The following INSIG1 variants were observed in gnomAD, a reference collection of about 807,000 sequenced individuals.
The protein encoded by INSIG1 is insulin induced gene 1.
A neutral mutation model predicts 26.5 loss-of-function variants in INSIG1; 14 were observed. That is an observed-to-expected ratio of 0.53 (90% CI 0.35 to 0.83). INSIG1 has a LOEUF of 0.83. Among genes scored for constraint, INSIG1 ranks in the 40% least tolerant of loss-of-function variants. The pLI, the probability that INSIG1 is intolerant of heterozygous loss-of-function variation, is 0.01. For missense variants in INSIG1, 272 were observed against 368.9 expected (o/e 0.74, Z 2.15); for synonymous variants, 147 against 153.3 (o/e 0.96, Z 0.30).
At position 155,298,622 on chromosome 7, in the gene INSIG1, C is replaced by G; in HGVS notation, c.337C>G (p.Leu113Val). Reference protein sequence around the residue: ...NLLQIQRNVTLFPEEVIATIF... With the variant: ...NLLQIQRNVTVFPEEVIATIF... ...GCTGCAGATCCAGAGGAATGTCACT[C>G]TCTTCCCCGAGGAGGTGATCGCCAC... The change falls in exon 2 of 6, where the codon CTC (leucine) becomes GTC (valine). Residue 113 changes from leucine to valine, a missense_variant. By Grantham distance (32) the Leu-to-Val change is conservative. Transcript: ENST00000340368. 1 of 1,613,612 alleles carries G rather than the reference C, an allele frequency of 6.2e-7. No individual in the cohort carries two copies. Among genetic ancestry groups the G allele is most frequent in the Non-Finnish European group, 8.5e-7 (1 of 1,179,968 alleles).
rs925626832 is a variant in INSIG1 at position 155,309,845 on chromosome 7, A to T, written c.*1575A>T. ...ATGACCCCCTTATATATTTTCTGAA[A>T]ATGAAAACAGTTACATGAAAAAAAT... is the stretch of plus-strand genomic sequence containing the variant. On this transcript the variant is annotated 3_prime_UTR_variant, in exon 6 of 6. Coordinates refer to ENST00000340368, the MANE Select transcript of INSIG1 (RefSeq NM_005542.6). The T allele has an allele frequency of 1.3e-5, 2 of 152,536 alleles. No homozygotes were observed. Among genetic ancestry groups the T allele is most frequent in the African/African-American group, 2.4e-5 (1 of 41,440 alleles). The allele number at this position is 152,536 out of a possible 1,614,324, so 9.4% of individuals were successfully genotyped here. A position where few individuals can be genotyped will look rare whatever the true frequency, so the allele number is the denominator to read the frequency against.
chr7:155,307,484 G>C (rs1797968638), intron 5 of INSIG1, among the ~76,000 whole-genome samples: 1 of 152,204 alleles, frequency 6.6e-6, no homozygotes, highest in Non-Finnish European at 1.5e-5. Context: ...GCCTCAGGAA[G>C]GTCATTTAAT....
intron 5 of INSIG1, among the ~76,000 whole-genome samples, chr7:155,305,078 A>G (rs1024336089): frequency 3.3e-5 from 5 of 150,734 alleles, no homozygotes; most frequent in Non-Finnish European, 7.4e-5. Context: ...CCCGGGAGGC[A>G]GAGCTTGCAA....
Position 155,298,641 on chromosome 7 carries a change from T to C in INSIG1, c.356T>C (p.Ile119Thr). ...RNVTLFPEEVIATIFSSAWWV... is the reference protein window; with the variant it reads ...RNVTLFPEEVTATIFSSAWWV... ...GTCACTCTCTTCCCCGAGGAGGTGATCGCCACCATCTTTTCCTCCGCCTGG... is the reference window on the plus strand; with the variant it reads ...GTCACTCTCTTCCCCGAGGAGGTGACCGCCACCATCTTTTCCTCCGCCTGG... The change falls in exon 2 of 6, where the codon ATC becomes ACC. Residue 119 changes from isoleucine (I) to threonine (T), a missense_variant. Physicochemically the swap from Ile to Thr is moderately conservative, Grantham distance 89 (BLOSUM62 -1). Coordinates refer to ENST00000340368, the MANE Select transcript of INSIG1 (RefSeq NM_005542.6). 6.2e-7 allele frequency: 1 copy of C among 1,613,300 alleles called. No homozygotes were observed. Among genetic ancestry groups the C allele is most frequent in the Non-Finnish European group, 8.5e-7 (1 of 1,179,972 alleles).
intron 1 of INSIG1, 133 bp from the exon 2 acceptor site, chr7:155,298,126 C>T: frequency 1.5e-6 from 1 of 649,478 alleles, no homozygotes; most frequent in Non-Finnish European, 2.3e-6. Context: ...GCCGCTGGCC[C>T]CGGGCGGGCG....
rs1162539615 is a variant in INSIG1, at chr7:155,302,815, C to T, written c.773C>T (p.Thr258Met). Residue 258 changes from threonine (T) to methionine (M), a missense_variant, in exon 5 of 6, where the codon ACG becomes ATG. Physicochemically the swap from Thr to Met is moderately conservative, Grantham distance 81 (BLOSUM62 -1). Around this residue, in one of 2 missense-constraint regions of INSIG1, gnomAD observed 111 missense variants for 189.8 expected, o/e 0.58. Coordinates refer to ENST00000340368, the MANE Select transcript of INSIG1 (RefSeq NM_005542.6). The surrounding 1 kb of genome is among the most constrained non-coding windows in gnomAD (Gnocchi z 4.3). The part of the protein sequence containing the change: ...LPCIFFSGGV[T>M]VGNIGRQLAM... ...TGTATATTTTTCTCAGGAGGCGTCA[C>T]GGTGGGGAACATAGGACGACAGTTA... is the stretch of plus-strand genomic sequence containing the variant. 5.0e-6 allele frequency: 8 copies of T among 1,610,608 alleles called. No homozygotes were observed. Among genetic ancestry groups the T allele is most frequent in the Non-Finnish European group, 6.8e-6 (8 of 1,177,146 alleles).
At position 155,302,610 on chromosome 7, in the gene INSIG1, C is replaced by G; in HGVS notation, c.705-137C>G. 1 of 889,824 alleles carries G rather than the reference C, an allele frequency of 1.1e-6. No individual in the cohort carries two copies. The highest frequency in any genetic ancestry group is 1.7e-6 in the Non-Finnish European group (1 of 572,620). The allele number at this position is 889,824 out of a possible 1,614,324, so 55.1% of individuals were successfully genotyped here. A position where few individuals can be genotyped will look rare whatever the true frequency, so the allele number is the denominator to read the frequency against. On this transcript the variant is annotated intron_variant, in intron 4 of 5. Coordinates refer to ENST00000340368, the MANE Select transcript of INSIG1 (RefSeq NM_005542.6). The surrounding 1 kb of genome is among the most constrained non-coding windows in gnomAD (Gnocchi z 4.3). Reference sequence around the variant, plus strand: ...AAGGAAAACCAAGTAGTAGCAGTTACAACCAAACAAATATGAACATTCGTA... The same window carrying G: ...AAGGAAAACCAAGTAGTAGCAGTTAGAACCAAACAAATATGAACATTCGTA...
At chr7:155,298,053 T>G (rs1750916121) in intron 1 of INSIG1, 94 bp downstream of exon 1, 1 of 391,988 alleles carries the variant, frequency 2.6e-6, no homozygotes, top group Non-Finnish European at 4.4e-6. Context: ...CCCTGTTGGG[T>G]CTTTGGGACG....
At chr7:155,306,445 C>A (rs1797936787) in intron 5 of INSIG1, among the ~76,000 whole-genome samples, 1 of 152,252 alleles carries the variant, frequency 6.6e-6, no homozygotes, top group African/African-American at 2.4e-5. Context: ...CACTGCCCGG[C>A]CCCACTGGGC....
At chr7:155,297,999 G>A in intron 1 of INSIG1, 40 bp downstream of exon 1, 1 of 304,054 alleles carries the variant, frequency 3.3e-6, no homozygotes, top group Non-Finnish European at 6.0e-6. Flanking sequence ...GGCGGGCTTT[G>A]GTCGCGCAGC....
chr7:155,305,321 C>G (rs1157318326), intron 5 of INSIG1, among the ~76,000 whole-genome samples: 2 of 151,992 alleles, frequency 1.3e-5, no homozygotes, highest in African/African-American at 2.4e-5. Flanking sequence ...TTTTTCACTT[C>G]AAAATTTGCA....
chr7:155,301,498 A>G (rs777202459), intron 2 of INSIG1, 68 bp from the exon 3 acceptor site: 12 of 1,469,558 alleles, frequency 8.2e-6, no homozygotes, highest in Middle Eastern at 1.8e-4. Context: ...CTGTGTTACT[A>G]ATGACCACGT....
Position 155,309,693 on chromosome 7 carries a change from G to A in INSIG1, c.*1423G>A, listed in dbSNP as rs955022205. The A allele has an allele frequency of 3.5e-4, 53 of 152,166 alleles. 2 individuals carry two copies. The highest frequency in any genetic ancestry group is 5.9e-5 in the Non-Finnish European group (4 of 68,038). 9.4% of individuals were successfully genotyped at this position (152,166 alleles called of 1,614,324 possible). A position where few individuals can be genotyped will look rare whatever the true frequency, so the allele number is the denominator to read the frequency against. On this transcript the variant is annotated 3_prime_UTR_variant, in exon 6 of 6. Transcript: ENST00000340368. ...TTTGTGTTTGGTTTTGTGATGTAAC[G>A]ATCTTTGCTGGGGTTTTTTGCTTTG... is the stretch of plus-strand genomic sequence containing the variant.
At chr7:155,298,866 G>A (rs896165801) in intron 2 of INSIG1, among the ~76,000 whole-genome samples, 169 bp downstream of exon 2, 3 of 152,256 alleles carry the variant, frequency 2.0e-5, no homozygotes, top group African/African-American at 7.2e-5. Context: ...GAGAGGACCT[G>A]GCACCCCCGA....
chr7:155,300,352 T>TAGTGA (rs373161446), intron 2 of INSIG1, among the ~76,000 whole-genome samples: 9 of 152,344 alleles, frequency 5.9e-5, no homozygotes, highest in African/African-American at 2.2e-4. Context: ...TATTAAGCTA[T>TAGTGA]AGTGAAGTAA....
chr7:155,305,209 T>G lies in INSIG1; in HGVS notation c.804+2363T>G, dbSNP rs1039519162. On this transcript the variant is annotated intron_variant, in intron 5 of 5. Coordinates refer to ENST00000340368, the MANE Select transcript of INSIG1 (RefSeq NM_005542.6). The stretch of plus-strand genomic sequence containing the variant: ...CTTAATCCCCTTCCCTGCTGGGCTA[T>G]CACATGAAACTGACCTCTGAGGTTC... Among the ~76,000 whole-genome samples, 8 of 151,706 alleles carry G rather than the reference T, an allele frequency of 5.3e-5. No individual in the cohort carries two copies. The South Asian group carries it at 6.3e-4, about 12-fold the overall frequency.
At position 155,302,505 on chromosome 7, in the gene INSIG1, ATTTG is replaced by A. The variant is rs1797817578; in HGVS notation, c.704+92_704+95del. ...CTAAGCTTAGATATTTTCATATTTT[ATTTG>A]TTTTTTATATAGAATGATACAGATT... On this transcript the variant is annotated intron_variant, in intron 4 of 5. Coordinates refer to ENST00000340368, the MANE Select transcript of INSIG1 (RefSeq NM_005542.6). This position sits in a 1 kb window ranked among gnomAD's most constrained non-coding sequence, Gnocchi z 4.3. 3.9e-6 allele frequency: 5 copies of A among 1,291,766 alleles called. No individual in the cohort carries two copies. The highest frequency in any genetic ancestry group is 5.2e-6 in the Non-Finnish European group (5 of 958,692). The allele number at this position is 1,291,766 out of a possible 1,614,324, so 80.0% of individuals were successfully genotyped here. A position where few individuals can be genotyped will look rare whatever the true frequency, so the allele number is the denominator to read the frequency against.
Position 155,302,831 on chromosome 7 carries a change from AC to A in INSIG1, c.790del (p.Arg264AspfsTer3). The A allele has an allele frequency of 6.2e-7, 1 of 1,603,430 alleles. No individual in the cohort carries two copies. The highest frequency in any genetic ancestry group is 8.5e-7 in the Non-Finnish European group (1 of 1,170,376). On this transcript the variant is annotated frameshift_variant, in exon 5 of 6. Coordinates refer to ENST00000340368, the MANE Select transcript of INSIG1 (RefSeq NM_005542.6). LOFTEE classifies it high-confidence loss of function. The surrounding 1 kb of genome is among the most constrained non-coding windows in gnomAD (Gnocchi z 4.3). ...GAGGCGTCACGGTGGGGAACATAGG[AC>A]GACAGTTAGCTATGGTAAGTGAAAT... The part of the protein sequence containing the change: ...SGGVTVGNIG[R>X]QLAMGVPEKP...
chr7:155,304,981 C>A (rs867974573), intron 5 of INSIG1, among the ~76,000 whole-genome samples: 226 of 129,652 alleles, frequency 1.7e-3, no homozygotes, highest in Non-Finnish European at 1.7e-3. Flanking sequence ...ACTAAAAATA[C>A]AAAAAAAAAA....
Sources: gnomAD v4.1 joint callset for allele counts (sites outside exome capture counted in the v4.1 genomes callset) on GRCh38, gnomAD v4.1.1 for gene constraint, gnomAD v4.1.1 regional missense constraint, Gnocchi (gnomAD v3.1) non-coding constraint, MANE v1.5 for transcripts, NCBI Gene and HGNC (gene_info 2026-07-23, HGNC 2026-07-21) for gene names.